IMMP2L: variants seen among roughly 807,000 people sequenced by gnomAD.
IMMP2L encodes the protein inner mitochondrial membrane peptidase subunit 2.
Under a neutral mutation model 19.3 loss-of-function variants are expected in IMMP2L, and 18 were observed. That is an observed-to-expected ratio of 0.93 (90% CI 0.64 to 1.38). The LOEUF (loss-of-function observed/expected upper bound fraction) is 1.38. Ranked by LOEUF, IMMP2L falls within the 40% of genes most tolerant of loss-of-function variation. The probability of loss-of-function intolerance (pLI) is 0.00; values close to 1 mark genes in which losing one functional copy is unlikely to be tolerated. For synonymous variants in IMMP2L, 76 were observed against 73.0 expected (o/e 1.04, Z -0.21); for missense variants, 233 against 218.2 (o/e 1.07, Z -0.43).
chr7:111,045,647 A>G (rs531190019), intron 3 of IMMP2L, among the ~76,000 whole-genome samples: 5 of 152,296 alleles, frequency 3.3e-5, no homozygotes, highest in Non-Finnish European at 5.9e-5. Context: ...ATAAGACTCT[A>G]TGAACCACTG....
chr7:110,993,292 A>G (rs1046470526), intron 3 of IMMP2L, among the ~76,000 whole-genome samples: 6 of 152,156 alleles, frequency 3.9e-5, no homozygotes, highest in Non-Finnish European at 8.8e-5. Flanking sequence ...CTCTTAGTAC[A>G]TAAGTTAACT....
At chr7:111,297,824 T>C (rs1462707694) in intron 3 of IMMP2L, among the ~76,000 whole-genome samples, 1 of 152,018 alleles carries the variant, frequency 6.6e-6, no homozygotes, top group Non-Finnish European at 1.5e-5. Flanking sequence ...GTATACTGTA[T>C]AAGTCCATTT....
chr7:110,816,668 C>T (rs4730465), intron 5 of IMMP2L, among the ~76,000 whole-genome samples: 140,373 of 147,844 alleles, frequency 0.95, 66,654 homozygotes, highest in East Asian at 0.98. Context: ...GGTGCATATA[C>T]ATTTAGGATA....
chr7:111,189,441 A>T (rs1337266077), intron 3 of IMMP2L, among the ~76,000 whole-genome samples: 2 of 151,976 alleles, frequency 1.3e-5, no homozygotes, highest in African/African-American at 4.8e-5. Flanking sequence ...TGACCAGAAG[A>T]ACAGCACTAA....
At chr7:110,929,608 T>A (rs912988497) in intron 4 of IMMP2L, among the ~76,000 whole-genome samples, 1 of 152,216 alleles carries the variant, frequency 6.6e-6, no homozygotes, top group African/African-American at 2.4e-5. Context: ...TGCACTGAAT[T>A]GTTCACGTAA....
chr7:111,185,858 T>G (rs1808213222), intron 3 of IMMP2L, among the ~76,000 whole-genome samples: 2 of 152,162 alleles, frequency 1.3e-5, no homozygotes. Context: ...AAATATGCTT[T>G]ATTTTAAATT....
chr7:111,087,436 A>G (rs1353720238), intron 3 of IMMP2L, among the ~76,000 whole-genome samples: 2 of 151,498 alleles, frequency 1.3e-5, no homozygotes, highest in East Asian at 1.9e-4. Flanking sequence ...GCAACAGAGC[A>G]AGACTCCATC....
rs1806680410 is a variant in IMMP2L at position 110,855,615 on chromosome 7, T to C, written c.408+30978A>G. On this transcript the variant is annotated intron_variant, in intron 5 of 5. Transcript: ENST00000405709. ...AATTCCTCATTATCCTAGCAGAGAA[T>C]GTTTAATATCCCTTATACCCTTAGC... is the stretch of plus-strand genomic sequence containing the variant. Among the ~76,000 whole-genome samples the C allele has an allele frequency of 2.0e-5, 3 of 152,166 alleles. No homozygotes were observed. The South Asian group carries it at 6.2e-4, about 32-fold the overall frequency.
chr7:110,817,748 C>A (rs1056440068), intron 5 of IMMP2L, among the ~76,000 whole-genome samples: 3 of 152,104 alleles, frequency 2.0e-5, no homozygotes, highest in African/African-American at 7.2e-5. Context: ...CAGCATGGTA[C>A]TGGTACCAAA....
chr7:111,380,953 ACTAT>A (rs1368508349), intron 3 of IMMP2L, among the ~76,000 whole-genome samples: 1 of 151,404 alleles, frequency 6.6e-6, no homozygotes, highest in Non-Finnish European at 1.5e-5. Context: ...TATTCTCACT[ACTAT>A]CTATTTTCCA....
chr7:111,539,138 A>C (rs1210765936), intron 1 of IMMP2L, among the ~76,000 whole-genome samples: 1 of 33,340 alleles, frequency 3.0e-5, no homozygotes, highest in Non-Finnish European at 5.5e-5. Flanking sequence ...AAGAAAAGGA[A>C]GGAAGGAAGG....
At chr7:110,811,876 A>G (rs1311729472) in intron 5 of IMMP2L, among the ~76,000 whole-genome samples, 1 of 151,956 alleles carries the variant, frequency 6.6e-6, no homozygotes, top group Non-Finnish European at 1.5e-5. Flanking sequence ...GGCCCACCTA[A>G]TAAGAGCATC....
chr7:110,735,762 G>A (rs1046045892), intron 5 of IMMP2L, among the ~76,000 whole-genome samples: 1 of 135,496 alleles, frequency 7.4e-6, no homozygotes, highest in African/African-American at 2.8e-5. Context: ...TGTAGTCCCA[G>A]CTTGAGCCTG....
chr7:111,069,145 C>G (rs573952693), intron 3 of IMMP2L, among the ~76,000 whole-genome samples: 39 of 152,230 alleles, frequency 2.6e-4, no homozygotes, highest in African/African-American at 7.9e-4. Flanking sequence ...ATTGAGGGTA[C>G]GAGACTAGGT....
At chr7:111,102,419 A>G (rs747215857) in intron 3 of IMMP2L, among the ~76,000 whole-genome samples, 5 of 151,650 alleles carry the variant, frequency 3.3e-5, no homozygotes, top group South Asian at 2.1e-4. Context: ...CAGAAGCACA[A>G]TTCACTGTCA....
At chr7:110,892,568 C>T (rs1046285573) in intron 4 of IMMP2L, among the ~76,000 whole-genome samples, 3 of 152,066 alleles carry the variant, frequency 2.0e-5, no homozygotes, top group African/African-American at 4.8e-5. Context: ...GGAAGTTTTC[C>T]TTTGACCACT....
chr7:110,849,926 CTAAAA>C (rs1466559156), intron 5 of IMMP2L, among the ~76,000 whole-genome samples: 1 of 151,792 alleles, frequency 6.6e-6, no homozygotes, highest in Non-Finnish European at 1.5e-5. Context: ...TGTTCAGTAA[CTAAAA>C]TATGTTTCAA....
intron 5 of IMMP2L, among the ~76,000 whole-genome samples, chr7:110,775,935 A>C (rs1364943767): frequency 6.6e-6 from 1 of 151,456 alleles, no homozygotes; most frequent in African/African-American, 2.4e-5. Flanking sequence ...TTTAAAATAC[A>C]TGCATAAAAT....
intron 5 of IMMP2L, among the ~76,000 whole-genome samples, chr7:110,680,815 T>C (rs1792669281): frequency 6.6e-6 from 1 of 152,044 alleles, no homozygotes; most frequent in African/African-American, 2.4e-5. Flanking sequence ...CCTAGGACCA[T>C]GAACATGAAA....
Sources: allele counts gnomAD v4.1 joint callset (sites outside exome capture counted in the v4.1 genomes callset), GRCh38; gene constraint gnomAD v4.1.1; transcripts MANE v1.5; gene names NCBI Gene and HGNC (gene_info 2026-07-23, HGNC 2026-07-21).